HS3ST4: variants seen among roughly 807,000 people sequenced by gnomAD.
The protein encoded by HS3ST4 is heparan sulfate glucosamine 3-O-sulfotransferase 4.
A neutral mutation model predicts 29.2 loss-of-function variants in HS3ST4; 17 were observed. The observed-to-expected ratio is 0.58, with a 90% CI of 0.40 to 0.87. The LOEUF is 0.87. HS3ST4 is among the 40% of genes least tolerant of loss of function. HS3ST4 has a pLI of 0.00. For synonymous variants in HS3ST4, 314 were observed against 285.7 expected (o/e 1.10, Z -1.00); for missense variants, 627 against 634.5 (o/e 0.99, Z 0.13).
intron 1 of HS3ST4, among the ~76,000 whole-genome samples, chr16:25,700,600 G>A (rs1162094336): frequency 6.6e-6 from 1 of 152,106 alleles, no homozygotes; most frequent in African/African-American, 2.4e-5. Context: ...ATGAAAGATT[G>A]CTAGGGTTGT....
chr16:25,980,553 C>A (rs1009236633), intron 1 of HS3ST4, among the ~76,000 whole-genome samples: 1 of 152,126 alleles, frequency 6.6e-6, no homozygotes, highest in Non-Finnish European at 1.5e-5. Context: ...TCCTGTGGTT[C>A]CTGGAAACCG....
chr16:25,846,991 T>G (rs1395743297), intron 1 of HS3ST4, among the ~76,000 whole-genome samples: 1 of 151,040 alleles, frequency 6.6e-6, no homozygotes, highest in Non-Finnish European at 1.5e-5. Flanking sequence ...ACACTTCCTA[T>G]TTTGCTCTCC....
chr16:25,770,640 G>A (rs536202801), intron 1 of HS3ST4, among the ~76,000 whole-genome samples: 1 of 152,274 alleles, frequency 6.6e-6, no homozygotes, highest in Non-Finnish European at 1.5e-5. Context: ...TGAGCTACCT[G>A]GGGTAACTTT....
At chr16:25,846,907 C>T (rs1967472171) in intron 1 of HS3ST4, among the ~76,000 whole-genome samples, 1 of 151,950 alleles carries the variant, frequency 6.6e-6, no homozygotes. Context: ...TCATTCATCT[C>T]TGTACTGGAA....
intron 1 of HS3ST4, among the ~76,000 whole-genome samples, chr16:25,831,858 C>G (rs1219157750): frequency 6.6e-6 from 1 of 151,828 alleles, no homozygotes; most frequent in Non-Finnish European, 1.5e-5. Context: ...ATAATCCCGG[C>G]CCTTTGAGAG....
chr16:25,911,976 G>T (rs1171344645), intron 1 of HS3ST4, among the ~76,000 whole-genome samples: 1 of 152,158 alleles, frequency 6.6e-6, no homozygotes, highest in Non-Finnish European at 1.5e-5. Context: ...AAAAAGATGG[G>T]GTTTGGGTAA....
chr16:25,864,217 T>C (rs935965791), intron 1 of HS3ST4, among the ~76,000 whole-genome samples: 2 of 152,238 alleles, frequency 1.3e-5, no homozygotes, highest in African/African-American at 2.4e-5. Flanking sequence ...ATTTACGGTG[T>C]GCAACATGAT....
At chr16:26,030,578 C>T (rs1969522705) in intron 1 of HS3ST4, among the ~76,000 whole-genome samples, 1 of 152,114 alleles carries the variant, frequency 6.6e-6, no homozygotes, top group Non-Finnish European at 1.5e-5. Flanking sequence ...TTAAGTAAGA[C>T]CTGTAGAGCC....
chr16:25,843,391 C>G (rs952065288), intron 1 of HS3ST4, among the ~76,000 whole-genome samples: 9 of 152,176 alleles, frequency 5.9e-5, no homozygotes, highest in African/African-American at 2.2e-4. Flanking sequence ...CTAGAGGAAG[C>G]ATTCCAAAAG....
chr16:25,949,998 C>G (rs777859157), intron 1 of HS3ST4, among the ~76,000 whole-genome samples: 1 of 146,580 alleles, frequency 6.8e-6, no homozygotes, highest in Non-Finnish European at 1.5e-5. Flanking sequence ...CGCCCAGTAC[C>G]TCCTAGTGCA....
chr16:25,896,995 A>T (rs1350869088), intron 1 of HS3ST4, among the ~76,000 whole-genome samples: 1 of 152,158 alleles, frequency 6.6e-6, no homozygotes, highest in Non-Finnish European at 1.5e-5. Flanking sequence ...TGAGGAATAC[A>T]AGATGGGGGA....
At chr16:26,068,782 T>C (rs985496700) in intron 1 of HS3ST4, among the ~76,000 whole-genome samples, 15 of 152,178 alleles carry the variant, frequency 9.9e-5, no homozygotes, top group Non-Finnish European at 1.8e-4. Flanking sequence ...GATATTGTTT[T>C]GCTCTCTGGA....
At chr16:25,885,912 G>C (rs1967944914) in intron 1 of HS3ST4, among the ~76,000 whole-genome samples, 2 of 151,402 alleles carry the variant, frequency 1.3e-5, no homozygotes, top group Non-Finnish European at 2.9e-5. Flanking sequence ...CAACATGAGA[G>C]ATTAGGAAAA....
intron 1 of HS3ST4, among the ~76,000 whole-genome samples, chr16:25,700,879 A>AT (rs76092487): frequency 3.3e-5 from 5 of 151,318 alleles, no homozygotes; most frequent in Non-Finnish European, 1.5e-5. Flanking sequence ...TGCCTTAGAC[A>AT]TTTTTTTTTC....
intron 1 of HS3ST4, 128 bp downstream of exon 1, chr16:25,693,279 G>C: frequency 9.8e-7 from 1 of 1,016,610 alleles, no homozygotes; most frequent in Non-Finnish European, 1.4e-6. Flanking sequence ...CGAGGGCTCT[G>C]CAAACCCTGG....
At chr16:25,865,571 A>G (rs147371777) in intron 1 of HS3ST4, among the ~76,000 whole-genome samples, 116 of 152,356 alleles carry the variant, frequency 7.6e-4, no homozygotes, top group African/African-American at 2.5e-3. Flanking sequence ...ATTTAAAAAC[A>G]TACCACAAAG....
At chr16:25,872,267 TGGCTTTGTCACACC>T (rs1175993622) in intron 1 of HS3ST4, among the ~76,000 whole-genome samples, 2 of 147,912 alleles carry the variant, frequency 1.4e-5, no homozygotes, top group Non-Finnish European at 3.0e-5. Flanking sequence ...CAGAAAGAAA[TGGCTTTGTCACACC>T]AGTGTGTTCA....
At chr16:25,729,878 C>T (rs1040287624) in intron 1 of HS3ST4, among the ~76,000 whole-genome samples, 1 of 152,122 alleles carries the variant, frequency 6.6e-6, no homozygotes, top group Non-Finnish European at 1.5e-5. Context: ...TTGTACCCTC[C>T]GCCTTTCCAG....
chr16:26,124,860 G>A (rs953328756), intron 1 of HS3ST4, among the ~76,000 whole-genome samples: 3 of 152,228 alleles, frequency 2.0e-5, no homozygotes, highest in Non-Finnish European at 4.4e-5. Context: ...GAAAAGCTAT[G>A]AGCCAACCTG....
Sources: gnomAD v4.1 joint callset for allele counts (sites outside exome capture counted in the v4.1 genomes callset) on GRCh38, gnomAD v4.1.1 for gene constraint, MANE v1.5 for transcripts, NCBI Gene and HGNC (gene_info 2026-07-23, HGNC 2026-07-21) for gene names.